CCDC7: variants seen among roughly 807,000 people sequenced by gnomAD.
CCDC7 encodes coiled-coil domain-containing protein 7.
CCDC7 carries 183 observed loss-of-function variants against 196.9 expected under a neutral mutation model. The observed-to-expected ratio is 0.93, with a 90% CI of 0.82 to 1.05. The LOEUF (loss-of-function observed/expected upper bound fraction) is 1.05, where lower values mean the gene tolerates loss of function less well. Ranked by LOEUF, CCDC7 falls within the 50% of genes least tolerant of loss-of-function variation. CCDC7 has a pLI of 0.00. For synonymous variants in CCDC7, 525 were observed against 484.6 expected (o/e 1.08, Z -1.10); for missense variants, 1,540 against 1,482.2 (o/e 1.04, Z -0.64).
chr10:32,450,701 C>T (rs1280072027), upstream of CCDC7, among the ~76,000 whole-genome samples: 1 of 152,088 alleles, frequency 6.6e-6, no homozygotes, highest in Non-Finnish European at 1.5e-5. Flanking sequence ...TTGATGCTGC[C>T]TTAATATTAC....
chr10:32,534,356 G>T (rs952231062), intron 11 of CCDC7, among the ~76,000 whole-genome samples: 12 of 151,926 alleles, frequency 7.9e-5, no homozygotes, highest in African/African-American at 2.7e-4. Flanking sequence ...CTGTTGTTTT[G>T]AATTCTTGTT....
intron 24 of CCDC7, among the ~76,000 whole-genome samples, chr10:32,702,874 C>T (rs2079001419): frequency 6.6e-6 from 1 of 152,128 alleles, no homozygotes; most frequent in Non-Finnish European, 1.5e-5. Flanking sequence ...CTTGGTAGAT[C>T]TTCCTCCATC....
At chr10:32,614,234 G>GTT (rs549179408) in intron 18 of CCDC7, among the ~76,000 whole-genome samples, 8 of 143,114 alleles carry the variant, frequency 5.6e-5, no homozygotes, top group African/African-American at 2.1e-4. Flanking sequence ...GCAACCCCTG[G>GTT]TTTTTTTTTT....
At chr10:32,544,179 C>G (rs1488863695) in intron 12 of CCDC7, 68 bp from the exon 14 acceptor site, 10 of 1,367,824 alleles carry the variant, frequency 7.3e-6, no homozygotes, top group East Asian at 7.3e-5. Flanking sequence ...AAAAGTCCTC[C>G]TCAAGAAAGC....
intron 28 of CCDC7, among the ~76,000 whole-genome samples, chr10:32,758,461 A>T (rs187129876): frequency 6.6e-6 from 1 of 152,192 alleles, no homozygotes; most frequent in East Asian, 1.9e-4. Context: ...AAATCAATAA[A>T]GTAATCCATC....
chr10:32,786,552 G>A (rs1479313434), intron 29 of CCDC7, among the ~76,000 whole-genome samples: 2 of 152,222 alleles, frequency 1.3e-5, no homozygotes, highest in Admixed American at 1.3e-4. Flanking sequence ...ATTGAGGCCA[G>A]GAGTTCGAGA....
At chr10:32,779,056 A>G (rs1179479587) in exon 29 of CCDC7, 1 of 1,549,916 alleles carries the variant, frequency 6.5e-7, no homozygotes. Context: ...GCGACCTAAT[A>G]ATTCAATTTG....
At chr10:32,584,796 A>G (rs1162152565) in intron 18 of CCDC7, among the ~76,000 whole-genome samples, 2 of 148,702 alleles carry the variant, frequency 1.3e-5, no homozygotes, top group Non-Finnish European at 3.0e-5. Flanking sequence ...AGTTATCATT[A>G]TATTACTTAG....
intron 25 of CCDC7, among the ~76,000 whole-genome samples, chr10:32,726,479 G>A (rs988092247): frequency 2.6e-5 from 4 of 151,908 alleles, no homozygotes; most frequent in African/African-American, 9.7e-5. Context: ...AATGAATTCT[G>A]AAGACCAATA....
At chr10:32,726,859 T>G in intron 26 of CCDC7, 27 bp downstream of exon 27, 2 of 1,243,474 alleles carry the variant, frequency 1.6e-6, no homozygotes, top group Non-Finnish European at 2.3e-6. Context: ...TAGATGACTT[T>G]AAATTATTTT....
chr10:32,776,701 A>G (rs1011796686), intron 28 of CCDC7, among the ~76,000 whole-genome samples: 1 of 152,230 alleles, frequency 6.6e-6, no homozygotes, highest in Non-Finnish European at 1.5e-5. Flanking sequence ...GATGGCATAT[A>G]GTAGCTATTT....
intron 31 of CCDC7, among the ~76,000 whole-genome samples, chr10:32,819,547 C>A (rs2089693069): frequency 6.6e-6 from 1 of 152,118 alleles, no homozygotes; most frequent in Non-Finnish European, 1.5e-5. Context: ...CCCTCATGAA[C>A]ATCGATGCAA....
intron 6 of CCDC7, 152 bp downstream of exon 7, chr10:32,471,382 T>A: frequency 1.1e-6 from 1 of 908,752 alleles, no homozygotes; most frequent in Non-Finnish European, 1.6e-6. Flanking sequence ...TTTGCAATTT[T>A]AAATAATCTG....
At chr10:32,851,738 G>C in intron 39 of CCDC7, 69 bp from the exon 41 acceptor site, 1 of 1,406,716 alleles carries the variant, frequency 7.1e-7, no homozygotes, top group Non-Finnish European at 9.9e-7. Context: ...CATATATACT[G>C]TGTGAGTATT....
intron 18 of CCDC7, among the ~76,000 whole-genome samples, chr10:32,585,608 A>C (rs766083237): frequency 6.6e-6 from 1 of 151,866 alleles, no homozygotes; most frequent in Non-Finnish European, 1.5e-5. Context: ...CCCACTTATG[A>C]TTGAGAACAT....
intron 23 of CCDC7, among the ~76,000 whole-genome samples, chr10:32,689,946 G>C (rs572797147): frequency 6.6e-6 from 1 of 152,226 alleles, no homozygotes; most frequent in East Asian, 1.9e-4. Context: ...TGTTGGCCAG[G>C]CTGGTCTCGA....
intron 13 of CCDC7, among the ~76,000 whole-genome samples, chr10:32,561,124 A>T (rs2055517591): frequency 6.6e-6 from 1 of 152,212 alleles, no homozygotes; most frequent in Admixed American, 6.5e-5. Context: ...AACTATCCTA[A>T]ATATATATGC....
At chr10:32,600,496 C>A (rs1479876992) in intron 18 of CCDC7, among the ~76,000 whole-genome samples, 1 of 152,024 alleles carries the variant, frequency 6.6e-6, no homozygotes, top group African/African-American at 2.4e-5. Context: ...ATGATCATAT[C>A]ATCGGCAAAC....
At chr10:32,871,511 C>T (rs2094430120) in intron 41 of CCDC7, among the ~76,000 whole-genome samples, 1 of 149,866 alleles carries the variant, frequency 6.7e-6, no homozygotes, top group African/African-American at 2.5e-5. Context: ...ATTAGTCTTG[C>T]TAGCGGTCTG....
Sources: gnomAD v4.1 joint callset for allele counts (sites outside exome capture counted in the v4.1 genomes callset) on GRCh38, gnomAD v4.1.1 for gene constraint, MANE v1.5 for transcripts, NCBI Gene and HGNC (gene_info 2026-07-23, HGNC 2026-07-21) for gene names.